RANBP3: variants seen among roughly 807,000 people sequenced by gnomAD.
RANBP3 encodes the protein RAN binding protein 3.
A neutral mutation model predicts 77.3 loss-of-function variants in RANBP3; 14 were observed. The ratio of observed to expected loss-of-function variants is 0.18; its 90% CI spans 0.12 to 0.28. The LOEUF is 0.28. RANBP3 is among the 10% of genes least tolerant of loss of function. The probability of loss-of-function intolerance (pLI) is 1.00; values close to 1 mark genes in which losing one functional copy is unlikely to be tolerated. For missense variants in RANBP3, 586 were observed against 752.3 expected (o/e 0.78, Z 2.59); for synonymous variants, 315 against 312.4 (o/e 1.01, Z -0.09).
intron 1 of RANBP3, among the ~76,000 whole-genome samples, chr19:5,968,017 C>CA (rs1033166407): frequency 1.4e-4 from 20 of 146,654 alleles, no homozygotes; most frequent in East Asian, 2.0e-4. Context: ...ACTCTGTCTC[C>CA]AAAAAAAAAG....
rs141573539 is a variant in RANBP3 at position 5,953,802 on chromosome 19, C to T, written c.79-2206G>A. ...AGACAGCACGCCCCTCCCCAGGAAGCGCAGGCATGGGAAGGGAGTAACATC... is the reference window on the plus strand; with the variant it reads ...AGACAGCACGCCCCTCCCCAGGAAGTGCAGGCATGGGAAGGGAGTAACATC... On this transcript the variant is annotated intron_variant, in intron 2 of 16. Coordinates refer to ENST00000340578, the MANE Select transcript of RANBP3 (RefSeq NM_007322.3). 7.2e-5 allele frequency among the ~76,000 whole-genome samples: 11 copies of T among 152,324 alleles called. No individual in the cohort carries two copies. The East Asian group carries it at 2.1e-3, about 29-fold the overall frequency.
intron 10 of RANBP3, chr19:5,925,274 C>T: frequency 4.3e-6 from 2 of 469,730 alleles, no homozygotes; most frequent in Non-Finnish European, 7.8e-6. Flanking sequence ...GCCCCAGGTG[C>T]CCAAACCCAG....
intron 8 of RANBP3, among the ~76,000 whole-genome samples, chr19:5,930,061 G>A (rs927301266): frequency 5.3e-5 from 8 of 152,348 alleles, no homozygotes; most frequent in South Asian, 4.1e-4. Flanking sequence ...TCTCGGTAGC[G>A]GGTGCTACCA....
At chr19:5,922,060 C>A (rs1211164328) in intron 13 of RANBP3, among the ~76,000 whole-genome samples, 1 of 152,014 alleles carries the variant, frequency 6.6e-6, no homozygotes, top group Non-Finnish European at 1.5e-5. Context: ...GGAGTTACTG[C>A]GAATGGACAA....
At chr19:5,975,589 T>A (rs1568486502) in intron 1 of RANBP3, among the ~76,000 whole-genome samples, 1 of 149,970 alleles carries the variant, frequency 6.7e-6, no homozygotes, top group African/African-American at 2.5e-5. Context: ...GGGCAATCAG[T>A]GATCATAACA....
At chr19:5,930,457 C>T (rs909040163) in intron 8 of RANBP3, among the ~76,000 whole-genome samples, 8 of 152,242 alleles carry the variant, frequency 5.3e-5, no homozygotes, top group African/African-American at 1.9e-4. Context: ...TGACTTCAAA[C>T]CCATCTCTGC....
At chr19:5,926,424 G>T (rs891109301) in intron 9 of RANBP3, among the ~76,000 whole-genome samples, 1 of 152,078 alleles carries the variant, frequency 6.6e-6, no homozygotes, top group African/African-American at 2.4e-5. Context: ...GGCAGTGGGC[G>T]CCTGTAATCC....
At chr19:5,929,592 G>A (rs926336948) in intron 8 of RANBP3, among the ~76,000 whole-genome samples, 3 of 152,222 alleles carry the variant, frequency 2.0e-5, no homozygotes, top group Non-Finnish European at 4.4e-5. Flanking sequence ...TGTGTGGGGC[G>A]GGAGGGGAAG....
chr19:5,923,412 G>A, intron 12 of RANBP3, 109 bp from the exon 13 acceptor site: 1 of 1,097,462 alleles, frequency 9.1e-7, no homozygotes, highest in Non-Finnish European at 1.3e-6. Context: ...AAGGACGCCT[G>A]CTGCCCCTGG....
At chr19:5,927,791 G>A (rs943676391) in intron 9 of RANBP3, among the ~76,000 whole-genome samples, 177 bp downstream of exon 9, 4 of 152,328 alleles carry the variant, frequency 2.6e-5, no homozygotes, top group Admixed American at 1.3e-4. Flanking sequence ...GGAAGTGCCA[G>A]GGCCCAGCAC....
At chr19:5,961,960 T>C (rs959968838) in intron 1 of RANBP3, among the ~76,000 whole-genome samples, 4 of 151,762 alleles carry the variant, frequency 2.6e-5, no homozygotes, top group Non-Finnish European at 5.9e-5. Context: ...TTGTTTTCCA[T>C]GGCCAGTGCT....
At chr19:5,973,980 C>T (rs1381999735) in intron 1 of RANBP3, among the ~76,000 whole-genome samples, 1 of 152,164 alleles carries the variant, frequency 6.6e-6, no homozygotes, top group Non-Finnish European at 1.5e-5. Context: ...CCTGTGTCCC[C>T]ACCATCGATA....
chr19:5,945,816 C>G (rs950518401), intron 3 of RANBP3, among the ~76,000 whole-genome samples: 1 of 152,070 alleles, frequency 6.6e-6, no homozygotes, highest in Non-Finnish European at 1.5e-5. Flanking sequence ...GGGCTCCCAA[C>G]AGTCTCTTGG....
intron 3 of RANBP3, among the ~76,000 whole-genome samples, chr19:5,949,917 A>G (rs2058254130): frequency 6.6e-6 from 1 of 151,956 alleles, no homozygotes; most frequent in African/African-American, 2.4e-5. Context: ...CTTGTTTGCT[A>G]CTCTCATTCT....
chr19:5,920,331 T>C (rs2057801911), intron 14 of RANBP3, among the ~76,000 whole-genome samples: 1 of 152,108 alleles, frequency 6.6e-6, no homozygotes, highest in Non-Finnish European at 1.5e-5. Context: ...CCCAGGAATT[T>C]GAGGCGATGA....
At chr19:5,923,631 C>G (rs1568447147) in intron 12 of RANBP3, among the ~76,000 whole-genome samples, 181 bp downstream of exon 12, 1 of 152,156 alleles carries the variant, frequency 6.6e-6, no homozygotes, top group South Asian at 2.1e-4. Context: ...CACAGGCCCT[C>G]GAGTTCTTTA....
At chr19:5,942,716 A>C (rs982406324) in intron 3 of RANBP3, among the ~76,000 whole-genome samples, 4 of 151,628 alleles carry the variant, frequency 2.6e-5, no homozygotes, top group Middle Eastern at 3.4e-3. Context: ...AAAAAAAAAA[A>C]AAAACAAAAG....
At chr19:5,945,786 A>G (rs1313059781) in intron 3 of RANBP3, among the ~76,000 whole-genome samples, 1 of 151,918 alleles carries the variant, frequency 6.6e-6, no homozygotes, top group East Asian at 1.9e-4. Flanking sequence ...CAGCATGTCC[A>G]GGTCAAGAGT....
In RANBP3 at chr19:5,952,256, C is replaced by A. The variant is rs988698769; in HGVS notation, c.79-660G>T. On this transcript the variant is annotated intron_variant, in intron 2 of 16. Transcript: ENST00000340578. The surrounding 1 kb of genome is among the most constrained non-coding windows in gnomAD (Gnocchi z 4.1). The stretch of plus-strand genomic sequence containing the variant: ...TTGCATCAGTGGCAGGCGGGTAGTT[C>A]AGATGAAGGAGGGGGGCAAATCCAC... 1.3e-5 allele frequency among the ~76,000 whole-genome samples: 2 copies of A among 152,108 alleles called. No individual in the cohort carries two copies. Among genetic ancestry groups the A allele is most frequent in the Non-Finnish European group, 2.9e-5 (2 of 68,026 alleles).
Sources: gnomAD v4.1 joint callset for allele counts (sites outside exome capture counted in the v4.1 genomes callset) on GRCh38, gnomAD v4.1.1 for gene constraint, Gnocchi (gnomAD v3.1) non-coding constraint, MANE v1.5 for transcripts, NCBI Gene and HGNC (gene_info 2026-07-23, HGNC 2026-07-21) for gene names.